Variants in MTREX observed in about 807,000 individuals in gnomAD.
MTREX encodes Mtr4 exosome RNA helicase, also known as exosome RNA helicase MTR4.
A neutral mutation model predicts 135.4 loss-of-function variants in MTREX; 76 were observed. The observed-to-expected ratio is 0.56, with a 90% confidence interval of 0.47 to 0.68. The LOEUF is 0.68. Among genes scored for constraint, MTREX ranks in the 30% least tolerant of loss-of-function variants. The pLI is 0.00. For missense variants in MTREX, 920 were observed against 1,262.1 expected, an observed-to-expected ratio of 0.73 and a Z score of 4.11; for synonymous variants, 404 against 401.6, an observed-to-expected ratio of 1.01 and a Z score of -0.07.
chr5:55,334,374 ATGCACACCAGATGT>A (rs1287918031), intron 5 of MTREX, among the ~76,000 whole-genome samples: 1 of 152,084 alleles, frequency 6.6e-6, no homozygotes. Context: ...CTAATTGTAT[ATGCACACCAGATGT>A]TGCACACCAG....
At chr5:55,393,325 T>A (rs1561206826) in intron 19 of MTREX, among the ~76,000 whole-genome samples, 2 of 152,216 alleles carry the variant, frequency 1.3e-5, no homozygotes, top group Non-Finnish European at 2.9e-5. Flanking sequence ...AGAAAAGGAT[T>A]TTTGGAGGTC....
intron 1 of MTREX, among the ~76,000 whole-genome samples, chr5:55,318,064 A>G (rs983445293): frequency 1.3e-5 from 2 of 152,178 alleles, no homozygotes; most frequent in African/African-American, 4.8e-5. Flanking sequence ...CAAAACCACA[A>G]ATGAGATACC....
chr5:55,394,309 C>G (rs1750614587), intron 19 of MTREX, among the ~76,000 whole-genome samples: 1 of 152,198 alleles, frequency 6.6e-6, no homozygotes, highest in Non-Finnish European at 1.5e-5. Context: ...TCTGTCCAAA[C>G]AGTGCATCAA....
intron 19 of MTREX, among the ~76,000 whole-genome samples, chr5:55,396,518 C>G (rs1750649604): frequency 6.6e-6 from 1 of 151,872 alleles, no homozygotes; most frequent in African/African-American, 2.4e-5. Context: ...GAAAAAACAC[C>G]CCACCCCAAA....
At chr5:55,352,630 T>C (rs953282317) in intron 13 of MTREX, among the ~76,000 whole-genome samples, 8 of 152,230 alleles carry the variant, frequency 5.3e-5, no homozygotes, top group African/African-American at 1.7e-4. Flanking sequence ...TAGTATGCTA[T>C]TGAGATGATG....
chr5:55,363,983 A>C (rs1370599272), intron 15 of MTREX, among the ~76,000 whole-genome samples: 1 of 152,204 alleles, frequency 6.6e-6, no homozygotes, highest in Non-Finnish European at 1.5e-5. Flanking sequence ...CCAGTGCTAG[A>C]ATATAAGTTC....
chr5:55,334,769 T>A (rs1392871736), intron 5 of MTREX, among the ~76,000 whole-genome samples: 1 of 152,078 alleles, frequency 6.6e-6, no homozygotes, highest in African/African-American at 2.4e-5. Context: ...CAAACACTGA[T>A]CATCTTTTGG....
Position 55,321,122 on chromosome 5 carries a change from A to C in MTREX, c.135-1205A>C, listed in dbSNP as rs953067102. On this transcript the variant is annotated intron_variant, in intron 1 of 26. Coordinates refer to ENST00000230640, the MANE Select transcript of MTREX (RefSeq NM_015360.5). Reference sequence around the variant, plus strand: ...TTTGACTGTTGCCATTTTAAAGTGAATTAATAAGTATTTAAAAAAATTTTA... The same window carrying C: ...TTTGACTGTTGCCATTTTAAAGTGACTTAATAAGTATTTAAAAAAATTTTA... 2.6e-5 allele frequency among the ~76,000 whole-genome samples: 4 copies of C among 152,314 alleles called. No homozygotes were observed. In the East Asian group the frequency reaches 5.8e-4, roughly 22 times the overall value.
At chr5:55,403,880 T>C (rs1750760307) in intron 21 of MTREX, among the ~76,000 whole-genome samples, 1 of 152,176 alleles carries the variant, frequency 6.6e-6, no homozygotes, top group African/African-American at 2.4e-5. Context: ...CACAGCAATA[T>C]AAATAATTGA....
At chr5:55,401,025 G>C (rs190025699) in intron 21 of MTREX, among the ~76,000 whole-genome samples, 1 of 152,114 alleles carries the variant, frequency 6.6e-6, no homozygotes, top group East Asian at 1.9e-4. Context: ...GTGTGTGTGC[G>C]TGCGTCCGTG....
intron 15 of MTREX, among the ~76,000 whole-genome samples, chr5:55,364,736 A>G (rs913835761): frequency 6.6e-6 from 1 of 152,242 alleles, no homozygotes; most frequent in African/African-American, 2.4e-5. Context: ...AAGAAACAAA[A>G]GGACTAATCT....
intron 15 of MTREX, among the ~76,000 whole-genome samples, chr5:55,362,561 A>C (rs560647728): frequency 2.0e-5 from 3 of 151,676 alleles, no homozygotes; most frequent in Admixed American, 2.0e-4. Flanking sequence ...GGATTTCGCC[A>C]TGTTAGCCAG....
intron 25 of MTREX, among the ~76,000 whole-genome samples, chr5:55,421,623 T>C (rs1751056895): frequency 1.3e-5 from 2 of 152,236 alleles, no homozygotes; most frequent in African/African-American, 2.4e-5. Context: ...CACGAGTTAC[T>C]AAAATTTGTG....
At chr5:55,423,044 C>T (rs775653254) in intron 26 of MTREX, 62 bp downstream of exon 26, 22 of 1,252,918 alleles carry the variant, frequency 1.8e-5, no homozygotes, top group Non-Finnish European at 2.4e-5. Context: ...AAATCTTGAG[C>T]CCTGGACCAC....
chr5:55,330,115 G>A (rs1561188256), intron 5 of MTREX, among the ~76,000 whole-genome samples: 1 of 151,944 alleles, frequency 6.6e-6, no homozygotes, highest in Non-Finnish European at 1.5e-5. Flanking sequence ...GTCTTGCTCT[G>A]TCGCCCAGGT....
At chr5:55,315,815 A>G (rs13154553) in intron 1 of MTREX, among the ~76,000 whole-genome samples, 1 of 150,156 alleles carries the variant, frequency 6.7e-6, no homozygotes, top group Non-Finnish European at 1.5e-5. Flanking sequence ...CCCAGCTAGT[A>G]GGGAGGCTGG....
At chr5:55,313,773 G>A (rs936509114) in intron 1 of MTREX, among the ~76,000 whole-genome samples, 1 of 152,128 alleles carries the variant, frequency 6.6e-6, no homozygotes, top group African/African-American at 2.4e-5. Context: ...GTACATTCTT[G>A]CTTCCATCCT....
At chr5:55,355,131 C>T (rs1749890016) in intron 14 of MTREX, among the ~76,000 whole-genome samples, 1 of 152,116 alleles carries the variant, frequency 6.6e-6, no homozygotes. Context: ...GACCCTCCCT[C>T]ACAAAGCAAC....
At chr5:55,338,786 C>CTTTTTTTTTTTTTTTTTTTTT (rs67612518) in intron 5 of MTREX, among the ~76,000 whole-genome samples, 6 of 92,258 alleles carry the variant, frequency 6.5e-5, no homozygotes, top group African/African-American at 2.8e-4. Flanking sequence ...CTTTCTTTTT[C>CTTTTTTTTTTTTTTTTTTTTT]TTTTTTTTTT....
Sources: gnomAD v4.1 joint callset for allele counts (sites outside exome capture counted in the v4.1 genomes callset) on GRCh38, gnomAD v4.1.1 for gene constraint, MANE v1.5 for transcripts, NCBI Gene and HGNC (gene_info 2026-07-23, HGNC 2026-07-21) for gene names.